Variants in FBXO34 observed in about 807,000 individuals in gnomAD.
FBXO34 encodes F-box only protein 34.
In FBXO34, 12 loss-of-function variants were observed where a neutral mutation model predicts 24.5. The ratio of observed to expected loss-of-function variants is 0.49; its 90% CI spans 0.31 to 0.79. The LOEUF (loss-of-function observed/expected upper bound fraction) is 0.79. Ranked by LOEUF, FBXO34 falls within the 30% of genes least tolerant of loss-of-function variation. The probability of loss-of-function intolerance (pLI) is 0.04; values close to 1 mark genes in which losing one functional copy is unlikely to be tolerated. For synonymous variants in FBXO34, 320 were observed against 311.9 expected, an observed-to-expected ratio of 1.03 and a Z score of -0.27; for missense variants, 823 against 857.7, an observed-to-expected ratio of 0.96 and a Z score of 0.51.
the FBXO34 span, among the ~76,000 whole-genome samples, chr14:55,430,774 C>T: frequency 3.3e-5 from 5 of 152,246 alleles, no homozygotes. Flanking sequence ...ACCCACTTCT[C>T]ACTCTTGAAA....
rs374574376 is a variant in FBXO34 at position 55,274,866 on chromosome 14, A to G, written c.-11+3329A>G. ...AATTTGCAGCTGTTTAGAACCAGAT[A>G]CTTGAGGGAAGCTACTATGGTATGA... On this transcript the variant is annotated intron_variant, in intron 1 of 1. Transcript: ENST00000313833. Among the ~76,000 whole-genome samples, 6 of 152,344 alleles carry G rather than the reference A, an allele frequency of 3.9e-5. No homozygotes were observed. In the East Asian group the frequency reaches 1.2e-3, roughly 29 times the overall value.
chr14:55,301,985 G>A (rs1882371855), intron 1 of FBXO34, among the ~76,000 whole-genome samples: 2 of 152,152 alleles, frequency 1.3e-5, no homozygotes. Context: ...ATGATAATTG[G>A]ATTACCAGCA....
chr14:55,386,027 T>C, the FBXO34 span: 1 of 1,614,082 alleles, frequency 6.2e-7, no homozygotes, highest in Non-Finnish European at 8.5e-7. Context: ...CTCCTTTTTC[T>C]CTTGGTGCCG....
chr14:55,429,001 A>T, the FBXO34 span: 68 of 1,612,482 alleles, frequency 4.2e-5, no homozygotes, highest in Non-Finnish European at 5.6e-5. Context: ...ATGTTTAAAG[A>T]TGTCTTAATC....
chr14:55,432,004 A>C, the FBXO34 span, among the ~76,000 whole-genome samples: 1 of 152,260 alleles, frequency 6.6e-6, no homozygotes, highest in Admixed American at 6.5e-5. Context: ...ATGAAAGTCA[A>C]TATTTGTATA....
the FBXO34 span, among the ~76,000 whole-genome samples, chr14:55,406,796 C>T: frequency 3.9e-5 from 6 of 152,176 alleles, no homozygotes; most frequent in African/African-American, 1.4e-4. Flanking sequence ...AAGCAGACCA[C>T]TGTGACAGTC....
chr14:55,313,677 G>A (rs963208255), intron 1 of FBXO34, among the ~76,000 whole-genome samples: 1 of 152,168 alleles, frequency 6.6e-6, no homozygotes, highest in Non-Finnish European at 1.5e-5. Context: ...TCTTCACAAT[G>A]TGGCAGTTGG....
exon 3 of FBXO34, chr14:55,368,043 G>C (rs903331327): frequency 1.3e-5 from 2 of 152,590 alleles, no homozygotes; most frequent in African/African-American, 4.8e-5. Flanking sequence ...AATAATGCCT[G>C]TTAGGACTCT....
chr14:55,381,273 G>A, the FBXO34 span, among the ~76,000 whole-genome samples: 3 of 152,136 alleles, frequency 2.0e-5, no homozygotes, highest in Admixed American at 1.3e-4. Context: ...ACTGAGTGAC[G>A]AAATGAACAA....
chr14:55,423,118 A>G, the FBXO34 span, among the ~76,000 whole-genome samples: 4 of 152,212 alleles, frequency 2.6e-5, no homozygotes, highest in African/African-American at 4.8e-5. Context: ...TATTTACAAG[A>G]GACAAAATGC....
intron 1 of FBXO34, among the ~76,000 whole-genome samples, chr14:55,327,829 T>G (rs571866450): frequency 6.6e-6 from 1 of 151,708 alleles, no homozygotes; most frequent in African/African-American, 2.4e-5. Context: ...CTTTTTTCAT[T>G]CGCAATTTTA....
At chr14:55,380,724 C>G in the FBXO34 span, 2 of 1,422,858 alleles carry the variant, frequency 1.4e-6, no homozygotes, top group Non-Finnish European at 2.0e-6. Context: ...TGTACAAAAC[C>G]TTAATTCCAA....
chr14:55,276,502 C>T (rs143466875), intron 1 of FBXO34, among the ~76,000 whole-genome samples: 37 of 152,092 alleles, frequency 2.4e-4, no homozygotes, highest in Non-Finnish European at 4.1e-4. Flanking sequence ...TGTGCCTGAG[C>T]GAGTTAGAAA....
chr14:55,438,226 G>A, the FBXO34 span, among the ~76,000 whole-genome samples: 1 of 152,204 alleles, frequency 6.6e-6, no homozygotes, highest in Admixed American at 6.5e-5. Flanking sequence ...CTCCGCTAAT[G>A]TACGTCTGAC....
intron 1 of FBXO34, among the ~76,000 whole-genome samples, chr14:55,295,387 ATT>A (rs3051307): frequency 0.28 from 25,091 of 90,890 alleles, 1,457 homozygotes; most frequent in African/African-American, 0.3. Flanking sequence ...ATTCTTTTCT[ATT>A]TTTTTTTTTT....
the FBXO34 span, among the ~76,000 whole-genome samples, chr14:55,438,133 A>G: frequency 1.3e-5 from 2 of 152,236 alleles, no homozygotes; most frequent in Non-Finnish European, 2.9e-5. Context: ...CTTGCAGGAG[A>G]AACTCAAAAA....
chr14:55,316,668 A>G (rs547130533), intron 1 of FBXO34, among the ~76,000 whole-genome samples: 28 of 149,820 alleles, frequency 1.9e-4, no homozygotes, highest in Non-Finnish European at 2.7e-4. Flanking sequence ...GTTGCAGTGC[A>G]TTGAGCTGAG....
At chr14:55,281,363 A>G (rs996442678) in intron 1 of FBXO34, among the ~76,000 whole-genome samples, 1 of 151,972 alleles carries the variant, frequency 6.6e-6, no homozygotes. Flanking sequence ...ACAGATCTAG[A>G]CCAATGATCA....
At chr14:55,357,314 T>C (rs1386322215), downstream of FBXO34, among the ~76,000 whole-genome samples, 1 of 152,192 alleles carries the variant, frequency 6.6e-6, no homozygotes, top group Non-Finnish European at 1.5e-5. Flanking sequence ...GGCAGTCCCT[T>C]ATGTGGCAGC....
Sources: allele counts gnomAD v4.1 joint callset (sites outside exome capture counted in the v4.1 genomes callset), GRCh38; gene constraint gnomAD v4.1.1; transcripts MANE v1.5; gene names NCBI Gene and HGNC (gene_info 2026-07-23, HGNC 2026-07-21).